Variants in CPNE4 observed in about 807,000 individuals in gnomAD.
CPNE4 encodes the protein copine-4.
In CPNE4, 25 loss-of-function variants were observed where a neutral mutation model predicts 67.9. The observed-to-expected ratio is 0.37, with a 90% CI of 0.27 to 0.51. CPNE4 has a LOEUF of 0.51. Among genes scored for constraint, CPNE4 ranks in the 20% least tolerant of loss-of-function variants. The probability of loss-of-function intolerance (pLI) is 0.93; values close to 1 mark genes in which losing one functional copy is unlikely to be tolerated. For missense variants in CPNE4, 464 were observed against 690.8 expected (o/e 0.67, Z 3.68); for synonymous variants, 242 against 244.9 (o/e 0.99, Z 0.11).
rs545122524 is a variant in CPNE4, at chr3:131,758,022, G to T, written c.181-34397C>A. ...CTGGATTCCCAGGCAAAAGTTTGCT[G>T]CAGGGGCAGGGCCCTCATGGAGAAC... On this transcript the variant is annotated intron_variant, in intron 2 of 15. Coordinates refer to ENST00000429747, the MANE Select transcript of CPNE4 (RefSeq NM_130808.3). 1.2e-3 allele frequency among the ~76,000 whole-genome samples: 180 copies of T among 152,338 alleles called. 1 individual carries two copies. The highest frequency in any genetic ancestry group is 2.2e-3 in the Admixed American group (33 of 15,298).
chr3:131,612,217 T>C (rs2107743072), intron 7 of CPNE4, among the ~76,000 whole-genome samples: 1 of 151,988 alleles, frequency 6.6e-6, no homozygotes, highest in Non-Finnish European at 1.5e-5. Context: ...CTACTAGAAA[T>C]ATGAAAATTA....
At chr3:131,801,452 G>GTGTGTATATA (rs761978890) in intron 2 of CPNE4, among the ~76,000 whole-genome samples, 60 of 53,342 alleles carry the variant, frequency 1.1e-3, no homozygotes, top group South Asian at 4.6e-3. Flanking sequence ...GTGTGTGTGT[G>GTGTGTATATA]TATATATATA....
At chr3:131,924,152 T>C (rs2070826853) in intron 1 of CPNE4, among the ~76,000 whole-genome samples, 1 of 152,182 alleles carries the variant, frequency 6.6e-6, no homozygotes, top group African/African-American at 2.4e-5. Flanking sequence ...ACTCTTCTCA[T>C]CAGAAGTATA....
At chr3:131,740,012 TTATC>T (rs1338325321) in intron 2 of CPNE4, among the ~76,000 whole-genome samples, 8 of 152,232 alleles carry the variant, frequency 5.3e-5, no homozygotes, top group Non-Finnish European at 8.8e-5. Context: ...GAGATACCTC[TTATC>T]TTTTACCCAC....
chr3:131,571,676 G>A (rs1448022868), intron 10 of CPNE4, among the ~76,000 whole-genome samples: 1 of 151,840 alleles, frequency 6.6e-6, no homozygotes, highest in African/African-American at 2.4e-5. Context: ...CTGTGGCAGT[G>A]GGCTTCCATC....
intron 2 of CPNE4, among the ~76,000 whole-genome samples, chr3:131,861,663 C>A (rs566446529): frequency 6.6e-6 from 1 of 152,062 alleles, no homozygotes; most frequent in South Asian, 2.1e-4. Context: ...GAACTCCTGA[C>A]CTCAGGCGAT....
chr3:132,022,004 C>G (rs911376617), intron 1 of CPNE4, among the ~76,000 whole-genome samples: 8 of 152,322 alleles, frequency 5.3e-5, no homozygotes, highest in Admixed American at 5.2e-4. Context: ...AGATGATATT[C>G]CCATAGGATT....
chr3:131,849,485 C>A (rs575259727), intron 2 of CPNE4, among the ~76,000 whole-genome samples: 195 of 152,060 alleles, frequency 1.3e-3, no homozygotes, highest in Middle Eastern at 0.01. Flanking sequence ...ACAAGCAGAT[C>A]TAATGGGAAC....
chr3:132,019,088 C>G (rs115401986), intron 1 of CPNE4, among the ~76,000 whole-genome samples: 4,680 of 98,204 alleles, frequency 0.048, 243 homozygotes, highest in African/African-American at 0.16. Flanking sequence ...CATGTTTTAA[C>G]TTGAAAAGAT....
chr3:131,726,338 G>A (rs2081998270), intron 2 of CPNE4, among the ~76,000 whole-genome samples: 1 of 152,162 alleles, frequency 6.6e-6, no homozygotes, highest in South Asian at 2.1e-4. Context: ...TGCCAGCACT[G>A]AGTGACTTGG....
At chr3:131,686,852 T>C (rs1449476901) in intron 5 of CPNE4, among the ~76,000 whole-genome samples, 1 of 152,222 alleles carries the variant, frequency 6.6e-6, no homozygotes, top group Non-Finnish European at 1.5e-5. Flanking sequence ...CTACTTGTCT[T>C]CTCTGATGCA....
intron 2 of CPNE4, among the ~76,000 whole-genome samples, chr3:131,866,022 G>A (rs1246323447): frequency 6.6e-6 from 1 of 152,210 alleles, no homozygotes; most frequent in Non-Finnish European, 1.5e-5. Context: ...CCAGGAAGGT[G>A]CATGACTTTG....
intron 2 of CPNE4, among the ~76,000 whole-genome samples, chr3:131,770,684 G>A (rs537399189): frequency 3.1e-4 from 47 of 152,348 alleles, no homozygotes; most frequent in Non-Finnish European, 6.0e-4. Flanking sequence ...CTGCTTGTCT[G>A]TAAGCCTGCA....
chr3:131,942,534 T>G (rs1296369611), intron 1 of CPNE4, among the ~76,000 whole-genome samples: 1 of 141,224 alleles, frequency 7.1e-6, no homozygotes, highest in East Asian at 2.3e-4. Context: ...TTTTGCTTGG[T>G]TGAAAAGTGA....
chr3:131,883,186 C>T (rs1265419886), intron 2 of CPNE4, among the ~76,000 whole-genome samples: 2 of 152,124 alleles, frequency 1.3e-5, no homozygotes, highest in Admixed American at 1.3e-4. Context: ...ACCAGTACTC[C>T]ATATTGTCTC....
chr3:131,587,931 A>G (rs1443931259), intron 7 of CPNE4, among the ~76,000 whole-genome samples: 3 of 152,010 alleles, frequency 2.0e-5, no homozygotes, highest in Non-Finnish European at 4.4e-5. Context: ...CAATTCCAGT[A>G]CTCTTTTAGG....
chr3:131,876,868 T>TGCACCA (rs1560521626), intron 2 of CPNE4, among the ~76,000 whole-genome samples: 1 of 151,950 alleles, frequency 6.6e-6, no homozygotes, highest in Non-Finnish European at 1.5e-5. Flanking sequence ...ATGTAGAAGA[T>TGCACCA]GCACCAGCAC....
intron 14 of CPNE4, among the ~76,000 whole-genome samples, chr3:131,547,009 A>C (rs1935883765): frequency 3.3e-5 from 5 of 152,174 alleles, no homozygotes; most frequent in Admixed American, 3.3e-4. Context: ...AATAAAATAA[A>C]ATAATGGTCA....
intron 1 of CPNE4, among the ~76,000 whole-genome samples, chr3:132,028,760 A>G (rs765172584): frequency 6.6e-6 from 1 of 152,206 alleles, no homozygotes; most frequent in Non-Finnish European, 1.5e-5. Context: ...AGCACTTAAA[A>G]TGTGGCAAAT....
Sources: allele counts gnomAD v4.1 joint callset (sites outside exome capture counted in the v4.1 genomes callset), GRCh38; gene constraint gnomAD v4.1.1; transcripts MANE v1.5; gene names NCBI Gene and HGNC (gene_info 2026-07-23, HGNC 2026-07-21).